Variants in NPAT observed in about 807,000 individuals in gnomAD.
NPAT encodes the protein nuclear protein, coactivator of histone transcription, also known as protein NPAT.
A neutral mutation model predicts 130.7 loss-of-function variants in NPAT; 52 were observed. That is an observed-to-expected ratio of 0.40 (90% CI 0.32 to 0.50). NPAT has a LOEUF of 0.50. Ranked by LOEUF, NPAT falls within the 20% of genes least tolerant of loss-of-function variation. The probability of loss-of-function intolerance (pLI) is 0.68; values close to 1 mark genes in which losing one functional copy is unlikely to be tolerated. For missense variants in NPAT, 1,687 were observed against 1,662.6 expected (o/e 1.01, Z -0.26); for synonymous variants, 580 against 584.8 (o/e 0.99, Z 0.12).
intron 15 of NPAT, among the ~76,000 whole-genome samples, chr11:108,163,009 T>C (rs1366325398): frequency 6.6e-6 from 1 of 152,192 alleles, no homozygotes; most frequent in Non-Finnish European, 1.5e-5. Flanking sequence ...GATGAGATTA[T>C]GAAGAAACTT....
chr11:108,206,167 A>C (rs764353164), intron 1 of NPAT, among the ~76,000 whole-genome samples: 3 of 152,254 alleles, frequency 2.0e-5, no homozygotes, highest in African/African-American at 4.8e-5. Context: ...TAATGTATGA[A>C]GGTGTAATTT....
rs769099948 is a variant in NPAT, at chr11:108,196,188, T to C, written c.156+1114A>G. Among the ~76,000 whole-genome samples the C allele has an allele frequency of 2.1e-4, 32 of 152,236 alleles. 1 individual carries two copies. The highest frequency in any genetic ancestry group is 3.5e-4 in the Non-Finnish European group (24 of 68,046). ...GAGGTTCTTTTTCTACATATGGATG[T>C]CTGAGTGTTCCAGCAACATTTGTTG... is the stretch of plus-strand genomic sequence containing the variant. On this transcript the variant is annotated intron_variant, in intron 2 of 17. Transcript: ENST00000278612.
chr11:108,199,434 C>T (rs2078254261), intron 1 of NPAT, among the ~76,000 whole-genome samples: 1 of 152,190 alleles, frequency 6.6e-6, no homozygotes, highest in South Asian at 2.1e-4. Flanking sequence ...CGCCACAGGC[C>T]ACAGAGATGC....
intron 10 of NPAT, among the ~76,000 whole-genome samples, chr11:108,181,837 A>G (rs1407219232): frequency 1.2e-4 from 18 of 152,180 alleles, no homozygotes; most frequent in Non-Finnish European, 2.4e-4. Flanking sequence ...TATTCAGGTC[A>G]TGGACTGTCA....
chr11:108,182,092 G>C (rs1288947577), intron 10 of NPAT, among the ~76,000 whole-genome samples: 1 of 152,148 alleles, frequency 6.6e-6, no homozygotes, highest in Non-Finnish European at 1.5e-5. Context: ...AGAGAGCTGT[G>C]TCTTGCTGAC....
At chr11:108,177,681 C>T (rs1007177381) in intron 10 of NPAT, among the ~76,000 whole-genome samples, 5 of 151,500 alleles carry the variant, frequency 3.3e-5, no homozygotes, top group African/African-American at 7.3e-5. Context: ...AATGAATATA[C>T]GTATATAAAT....
Position 108,215,720 on chromosome 11 carries a change from T to C in NPAT, c.37+6780A>G, listed in dbSNP as rs564584947. ...ATCTCGTTACAGGCAATGCCCTAGC[T>C]GTGATTTGGGAATCAACTCACCACT... On this transcript the variant is annotated intron_variant, in intron 1 of 17. Coordinates refer to ENST00000278612, the MANE Select transcript of NPAT (RefSeq NM_002519.3). Among the ~76,000 whole-genome samples, 8 of 152,340 alleles carry C rather than the reference T, an allele frequency of 5.3e-5. No individual in the cohort carries two copies. In the East Asian group the frequency reaches 1.3e-3, roughly 26 times the overall value.
rs745548434 is a variant in NPAT, at chr11:108,162,126, G to A, written c.3065C>T (p.Ala1022Val). 6.2e-7 allele frequency: 1 copy of A among 1,613,798 alleles called. No homozygotes were observed. Among genetic ancestry groups the A allele is most frequent in the Non-Finnish European group, 8.5e-7 (1 of 1,179,702 alleles). Reference sequence around the variant, plus strand: ...GAAACTACTTTATACTCACTTTTGTGCATGACATCCAACTGAATGACCTGA... The same window carrying A: ...GAAACTACTTTATACTCACTTTTGTACATGACATCCAACTGAATGACCTGA... ...DSSGHSVGCH[A>V]QKTEVSDKSI... Residue 1022 changes from alanine (A) to valine (V), a missense_variant, in exon 16 of 18, where the codon GCA becomes GTA. By Grantham distance (64) the Ala-to-Val change is moderately conservative. This residue lies in a region of NPAT where 1,379 missense variants were observed against 1,346.6 expected (regional missense o/e 1.02). Transcript: ENST00000278612.
At chr11:108,206,421 C>T (rs959965994) in intron 1 of NPAT, among the ~76,000 whole-genome samples, 1 of 152,176 alleles carries the variant, frequency 6.6e-6, no homozygotes, top group Non-Finnish European at 1.5e-5. Flanking sequence ...GTGAGCTCAG[C>T]CACCGAGCAT....
chr11:108,173,377 T>G lies in NPAT; in HGVS notation c.1607A>C (p.Gln536Pro), dbSNP rs768804134. The G allele has an allele frequency of 1.1e-5, 17 of 1,613,806 alleles. No individual in the cohort carries two copies. In the South Asian group the frequency reaches 1.8e-4, roughly 17 times the overall value. Residue 536 changes from glutamine (Q) to proline (P), a missense_variant, in exon 13 of 18, where the codon CAA (glutamine) becomes CCA (proline). Around this residue, in one of 3 missense-constraint regions of NPAT, gnomAD observed 1,379 missense variants for 1,346.6 expected, o/e 1.02. Transcript: ENST00000278612. ...TGGCTTTCCAGTTAATGAAGTATCT[T>G]GGGATAAAAGTTGAGAACTCTTCCC... ...LSGKSSQLLS[Q>P]DTSLTGKPSK...
rs1423055227 is a variant in NPAT, at chr11:108,158,768, C to A, written c.*174G>T. 1.3e-5 allele frequency: 7 copies of A among 558,980 alleles called. No homozygotes were observed. Among genetic ancestry groups the A allele is most frequent in the Admixed American group, 6.4e-5 (2 of 31,116 alleles). 34.6% of individuals were successfully genotyped at this position (558,980 alleles called of 1,614,324 possible). ...CAAAATAAAAATATACCAAGTAAGT[C>A]TATTTACAAACTAGGAAGCTGTTTC... On this transcript the variant is annotated 3_prime_UTR_variant, in exon 18 of 18. Transcript: ENST00000278612.
At chr11:108,165,571 C>T (rs2077894829) in intron 15 of NPAT, among the ~76,000 whole-genome samples, 1 of 150,034 alleles carries the variant, frequency 6.7e-6, no homozygotes, top group Admixed American at 6.6e-5. Flanking sequence ...CTCAAGTGAT[C>T]CTCCCACCTC....
chr11:108,187,999 G>A (rs901632828), intron 7 of NPAT, 99 bp downstream of exon 7: 17 of 821,240 alleles, frequency 2.1e-5, no homozygotes, highest in Non-Finnish European at 3.6e-5. Context: ...AACATAATCT[G>A]GTCCTATTAG....
At chr11:108,198,012 T>C (rs1591408699) in intron 1 of NPAT, among the ~76,000 whole-genome samples, 2 of 152,212 alleles carry the variant, frequency 1.3e-5, no homozygotes, top group African/African-American at 4.8e-5. Context: ...GTGGGTCAAC[T>C]GCTTGGCTGA....
At chr11:108,208,588 T>TAAA (rs34033921) in intron 1 of NPAT, 182 of 273,156 alleles carry the variant, frequency 6.7e-4, no homozygotes, top group Middle Eastern at 1.4e-3. Context: ...ACCCTGTCTT[T>TAAA]AAAAAAAAAA....
rs755721130 is a variant in NPAT, at chr11:108,188,204, T to C, written c.557-25A>G. Reference sequence around the variant, plus strand: ...GCTGTATTTCAAGAAAACATAACAGTAAGCCAAAGAAACTGAATAGTTTTC... The same window carrying C: ...GCTGTATTTCAAGAAAACATAACAGCAAGCCAAAGAAACTGAATAGTTTTC... On this transcript the variant is annotated intron_variant, in intron 6 of 17. Coordinates refer to ENST00000278612, the MANE Select transcript of NPAT (RefSeq NM_002519.3). The C allele has an allele frequency of 1.9e-6, 3 of 1,557,084 alleles. No individual in the cohort carries two copies. The South Asian group carries it at 3.3e-5, about 17-fold the overall frequency.
chr11:108,167,250 G>A (rs1419493462), intron 15 of NPAT, among the ~76,000 whole-genome samples: 1 of 152,044 alleles, frequency 6.6e-6, no homozygotes, highest in African/African-American at 2.4e-5. Context: ...TCTCACTGTT[G>A]CCCAGACTGG....
chr11:108,222,396 C>CGTT, intron 1 of NPAT, 104 bp downstream of exon 1: 1 of 1,263,708 alleles, frequency 7.9e-7, no homozygotes, highest in Non-Finnish European at 1.1e-6. Flanking sequence ...AGCTGGGAGG[C>CGTT]AAAACCCCAA....
At position 108,185,397 on chromosome 11, in the gene NPAT, G is replaced by A. The variant is rs1423612948; in HGVS notation, c.818+6C>T. On this transcript the variant is annotated splice_donor_region_variant and intron_variant, in intron 9 of 17. Transcript: ENST00000278612. ...CAATTAGGCATTTTAAACATATATAGCTTACCTAGTTAAAAATTTATTTAT... is the reference window on the plus strand; with the variant it reads ...CAATTAGGCATTTTAAACATATATAACTTACCTAGTTAAAAATTTATTTAT... The A allele has an allele frequency of 1.7e-5, 27 of 1,584,396 alleles. No individual in the cohort carries two copies. The highest frequency in any genetic ancestry group is 2.1e-5 in the Non-Finnish European group (24 of 1,154,476).
Sources: gnomAD v4.1 joint callset for allele counts (sites outside exome capture counted in the v4.1 genomes callset) on GRCh38, gnomAD v4.1.1 for gene constraint, gnomAD v4.1.1 regional missense constraint, MANE v1.5 for transcripts, NCBI Gene and HGNC (gene_info 2026-07-23, HGNC 2026-07-21) for gene names.